Variants in BNC2 observed in about 807,000 individuals in gnomAD.
The protein encoded by BNC2 is zinc finger protein basonuclin-2.
Under a neutral mutation model 76.3 loss-of-function variants are expected in BNC2, and 20 were observed. The ratio of observed to expected loss-of-function variants is 0.26; its 90% CI spans 0.18 to 0.38. The LOEUF (loss-of-function observed/expected upper bound fraction) is 0.38. Ranked by LOEUF, BNC2 falls within the 10% of genes least tolerant of loss-of-function variation. The pLI is 1.00. For missense variants in BNC2, 1,382 were observed against 1,399.8 expected, an observed-to-expected ratio of 0.99 and a Z score of 0.20; for synonymous variants, 582 against 514.8, an observed-to-expected ratio of 1.13 and a Z score of -1.77.
intron 1 of BNC2, among the ~76,000 whole-genome samples, chr9:16,844,090 T>C (rs1034858553): frequency 1.3e-5 from 2 of 151,880 alleles, no homozygotes; most frequent in East Asian, 3.9e-4. Flanking sequence ...TGAGTCACCA[T>C]CTCTACAAAA....
intron 4 of BNC2, 53 bp downstream of exon 4, chr9:16,582,930 C>CACAT: frequency 7.6e-7 from 1 of 1,324,008 alleles, no homozygotes; most frequent in Non-Finnish European, 1.1e-6. Context: ...CACACACACA[C>CACAT]ACACGAACAT....
At position 16,415,436 on chromosome 9, in the gene BNC2, A is replaced by G. The variant is rs935904687; in HGVS notation, c.*3553T>C. 6.5e-6 allele frequency: 1 copy of G among 152,764 alleles called. No individual in the cohort carries two copies. Among genetic ancestry groups the G allele is most frequent in the Non-Finnish European group, 1.5e-5 (1 of 68,028 alleles). The allele number at this position is 152,764 out of a possible 1,614,324, so 9.5% of individuals were successfully genotyped here. A position where few individuals can be genotyped will look rare whatever the true frequency, so the allele number is the denominator to read the frequency against. ...GTACCTGTGATAAACTCTGGCTAAA[A>G]CCAATCACATGGGGAAAAGCTTGTC... On this transcript the variant is annotated 3_prime_UTR_variant, in exon 7 of 7. Coordinates refer to ENST00000380672, the MANE Select transcript of BNC2 (RefSeq NM_017637.6).
intron 1 of BNC2, among the ~76,000 whole-genome samples, chr9:16,758,809 G>A (rs1825469515): frequency 6.6e-6 from 1 of 152,072 alleles, no homozygotes; most frequent in Non-Finnish European, 1.5e-5. Context: ...TTTAATATAA[G>A]GCTAAGGCAC....
chr9:16,701,084 A>G (rs10123172), intron 3 of BNC2, among the ~76,000 whole-genome samples: 147,502 of 152,226 alleles, frequency 0.97, 71,479 homozygotes, highest in East Asian at 1. Context: ...TGGGGTGTGG[A>G]GGTATTAGGC....
intron 4 of BNC2, chr9:16,579,982 T>C (rs1819587173): frequency 5.0e-6 from 2 of 397,312 alleles, no homozygotes; most frequent in Admixed American, 8.8e-5. Flanking sequence ...TGTATCTTGG[T>C]AGTTTTGTTG....
At chr9:16,492,751 A>G (rs1401079944) in intron 5 of BNC2, among the ~76,000 whole-genome samples, 1 of 148,270 alleles carries the variant, frequency 6.7e-6, no homozygotes. Context: ...ATAGCTATCC[A>G]TCAAGTCTAC....
chr9:16,677,300 T>C (rs978676026), intron 3 of BNC2, among the ~76,000 whole-genome samples: 2 of 152,124 alleles, frequency 1.3e-5, no homozygotes, highest in African/African-American at 4.8e-5. Context: ...TGGCCAGGCA[T>C]GGTGCCTCAC....
intron 5 of BNC2, among the ~76,000 whole-genome samples, chr9:16,476,407 C>A (rs920568148): frequency 6.6e-6 from 1 of 152,082 alleles, no homozygotes; most frequent in Non-Finnish European, 1.5e-5. Flanking sequence ...TTTCAGCAGG[C>A]CATGCTTCTC....
At chr9:16,459,727 G>T (rs1373997945) in intron 5 of BNC2, among the ~76,000 whole-genome samples, 1 of 152,168 alleles carries the variant, frequency 6.6e-6, no homozygotes, top group African/African-American at 2.4e-5. Context: ...AGAGAACAAA[G>T]ATGTCCCAAT....
At chr9:16,421,389 T>A in intron 6 of BNC2, 1 of 813,514 alleles carries the variant, frequency 1.2e-6, no homozygotes, top group East Asian at 6.6e-5. Flanking sequence ...ATTCTAGACA[T>A]CTGGTTTTGA....
chr9:16,635,374 G>A (rs1286979021), intron 3 of BNC2, among the ~76,000 whole-genome samples: 1 of 152,088 alleles, frequency 6.6e-6, no homozygotes, highest in Non-Finnish European at 1.5e-5. Context: ...ATAATTTTAT[G>A]TATTTTTTTC....
At chr9:16,672,973 T>A (rs1822524392) in intron 3 of BNC2, among the ~76,000 whole-genome samples, 2 of 152,338 alleles carry the variant, frequency 1.3e-5, no homozygotes, top group East Asian at 3.9e-4. Context: ...GCAAAAATCC[T>A]GAATCAAATA....
intron 5 of BNC2, among the ~76,000 whole-genome samples, chr9:16,541,349 G>C (rs139776213): frequency 3.5e-4 from 53 of 152,296 alleles, no homozygotes; most frequent in Non-Finnish European, 5.6e-4. Flanking sequence ...ATTATGAATT[G>C]GAACCCTGAT....
chr9:16,820,272 A>G (rs1389313868), intron 1 of BNC2, among the ~76,000 whole-genome samples: 2 of 151,266 alleles, frequency 1.3e-5, no homozygotes, highest in African/African-American at 4.9e-5. Context: ...CCAAATATAC[A>G]AAAATTAGCT....
chr9:16,615,318 A>T, intron 3 of BNC2, among the ~76,000 whole-genome samples: 1 of 152,152 alleles, frequency 6.6e-6, no homozygotes, highest in Admixed American at 6.5e-5. Flanking sequence ...GGAGCTCAGG[A>T]CATGCTACCC....
intron 1 of BNC2, among the ~76,000 whole-genome samples, chr9:16,848,413 A>G (rs1819042664): frequency 6.6e-6 from 1 of 152,180 alleles, no homozygotes. Context: ...AAGCATTCAG[A>G]ACCTATCCAA....
chr9:16,492,548 C>T (rs1822300236), intron 5 of BNC2, among the ~76,000 whole-genome samples: 1 of 152,108 alleles, frequency 6.6e-6, no homozygotes, highest in African/African-American at 2.4e-5. Context: ...CAACAAAAGC[C>T]TCTGAGAATT....
intron 1 of BNC2, among the ~76,000 whole-genome samples, chr9:16,856,546 C>T (rs1819263198): frequency 6.6e-6 from 1 of 152,108 alleles, no homozygotes; most frequent in Non-Finnish European, 1.5e-5. Flanking sequence ...ATAGTTGGGA[C>T]TACAGGCATG....
intron 1 of BNC2, among the ~76,000 whole-genome samples, chr9:16,782,470 G>C (rs1218060293): frequency 6.6e-6 from 1 of 152,056 alleles, no homozygotes; most frequent in Non-Finnish European, 1.5e-5. Flanking sequence ...TTGAGTTCTA[G>C]TTGCCTAAAG....
Sources: gnomAD v4.1 joint callset for allele counts (sites outside exome capture counted in the v4.1 genomes callset) on GRCh38, gnomAD v4.1.1 for gene constraint, MANE v1.5 for transcripts, NCBI Gene and HGNC (gene_info 2026-07-23, HGNC 2026-07-21) for gene names.